GRM8: variants seen among roughly 807,000 people sequenced by gnomAD.
GRM8 encodes the protein glutamate metabotropic receptor 8, also known as metabotropic glutamate receptor 8.
Under a neutral mutation model 87.2 loss-of-function variants are expected in GRM8, and 47 were observed. That is an observed-to-expected ratio of 0.54 (90% CI 0.43 to 0.69). The LOEUF is 0.69. GRM8 is among the 30% of genes least tolerant of loss of function. GRM8 has a pLI of 0.00. For missense variants in GRM8, 1,019 were observed against 1,139.2 expected (o/e 0.89, Z 1.52); for synonymous variants, 396 against 404.5 (o/e 0.98, Z 0.25).
chr7:126,740,316 T>C (rs1814799280), intron 7 of GRM8, among the ~76,000 whole-genome samples: 1 of 152,064 alleles, frequency 6.6e-6, no homozygotes, highest in South Asian at 2.1e-4. Flanking sequence ...CCTCTGATTA[T>C]TAATATGGGG....
chr7:126,724,091 T>C lies in GRM8; in HGVS notation c.1357+45774A>G, dbSNP rs988341972. ...TTTATGTTTTCTCTGCTTGGAGATA[T>C]CGTGATTCACTTGAGTCCTCCTCTC... is the stretch of plus-strand genomic sequence containing the variant. On this transcript the variant is annotated intron_variant, in intron 7 of 10. Coordinates refer to ENST00000339582, the MANE Select transcript of GRM8 (RefSeq NM_000845.3). 3.3e-5 allele frequency among the ~76,000 whole-genome samples: 5 copies of C among 152,142 alleles called. No homozygotes were observed. In the East Asian group the frequency reaches 7.7e-4, roughly 23 times the overall value.
intron 8 of GRM8, among the ~76,000 whole-genome samples, chr7:126,557,908 G>T (rs571788176): frequency 1.1e-4 from 16 of 152,134 alleles, no homozygotes; most frequent in African/African-American, 3.6e-4. Context: ...CTTTAAGTTT[G>T]TTTTAAACTA....
chr7:126,551,191 C>T (rs571416794), intron 8 of GRM8, among the ~76,000 whole-genome samples: 4 of 152,146 alleles, frequency 2.6e-5, no homozygotes, highest in African/African-American at 9.6e-5. Context: ...TTTATGTCCC[C>T]TGTACCATCT....
intron 3 of GRM8, among the ~76,000 whole-genome samples, chr7:127,070,332 A>C (rs1244894078): frequency 6.6e-6 from 1 of 152,108 alleles, no homozygotes; most frequent in East Asian, 1.9e-4. Context: ...TCTAAGAAAA[A>C]TCATGATTTC....
intron 6 of GRM8, among the ~76,000 whole-genome samples, chr7:126,876,205 C>A (rs1371726585): frequency 3.3e-5 from 5 of 152,300 alleles, no homozygotes; most frequent in African/African-American, 1.2e-4. Flanking sequence ...AGAACAATTT[C>A]TTGAGGCTAG....
intron 2 of GRM8, among the ~76,000 whole-genome samples, chr7:127,207,700 G>T (rs938153771): frequency 6.6e-6 from 1 of 152,034 alleles, no homozygotes; most frequent in Non-Finnish European, 1.5e-5. Context: ...TCCTGGCCAC[G>T]GTGCGATGGG....
At chr7:127,135,539 A>G (rs1013629394) in intron 2 of GRM8, among the ~76,000 whole-genome samples, 1 of 149,236 alleles carries the variant, frequency 6.7e-6, no homozygotes, top group Non-Finnish European at 1.5e-5. Context: ...CTAGTTAGAA[A>G]GTCAGAGTTG....
chr7:126,724,682 T>A (rs747998238), intron 7 of GRM8, among the ~76,000 whole-genome samples: 13 of 151,900 alleles, frequency 8.6e-5, no homozygotes, highest in Admixed American at 2.6e-4. Context: ...AGAACACTTT[T>A]ATGTAAAGCA....
Position 126,685,277 on chromosome 7 carries a change from A to C in GRM8, c.1358-75779T>G, listed in dbSNP as rs1808044753. Among the ~76,000 whole-genome samples, 1 of 152,126 alleles carries C rather than the reference A, an allele frequency of 6.6e-6. No homozygotes were observed. Among genetic ancestry groups the C allele is most frequent in the African/African-American group, 2.4e-5 (1 of 41,444 alleles). On this transcript the variant is annotated intron_variant, in intron 7 of 10. Coordinates refer to ENST00000339582, the MANE Select transcript of GRM8 (RefSeq NM_000845.3). This position sits in a 1 kb window ranked among gnomAD's most constrained non-coding sequence, Gnocchi z 4.2. Reference sequence around the variant, plus strand: ...CCAAGTTGCCTACAGGCAGGGGAACAATGTGGTTGGGCACAGAGGGGTGAC... The same window carrying C: ...CCAAGTTGCCTACAGGCAGGGGAACCATGTGGTTGGGCACAGAGGGGTGAC...
chr7:126,616,060 A>T (rs1799455884), intron 7 of GRM8, among the ~76,000 whole-genome samples: 1 of 152,220 alleles, frequency 6.6e-6, no homozygotes, highest in South Asian at 2.1e-4. Flanking sequence ...ACCCCAAATC[A>T]ACAGAATATA....
At chr7:126,894,751 T>G (rs1801383948) in intron 6 of GRM8, among the ~76,000 whole-genome samples, 1 of 152,036 alleles carries the variant, frequency 6.6e-6, no homozygotes, top group African/African-American at 2.4e-5. Flanking sequence ...TCGGTAAAGT[T>G]CTTCAGAGCA....
chr7:126,924,328 A>C (rs1262979664), intron 3 of GRM8, among the ~76,000 whole-genome samples: 1 of 152,252 alleles, frequency 6.6e-6, no homozygotes, highest in African/African-American at 2.4e-5. Context: ...ACGGATTTCA[A>C]ACATCACTTG....
intron 3 of GRM8, among the ~76,000 whole-genome samples, chr7:126,923,868 C>T (rs972815573): frequency 6.6e-6 from 1 of 152,134 alleles, no homozygotes; most frequent in Non-Finnish European, 1.5e-5. Flanking sequence ...GAGAAAGCTT[C>T]TTGGCAAAGT....
intron 6 of GRM8, among the ~76,000 whole-genome samples, chr7:126,791,655 AG>A (rs1361227803): frequency 6.6e-6 from 1 of 152,224 alleles, no homozygotes; most frequent in African/African-American, 2.4e-5. Flanking sequence ...GATCTTTCAA[AG>A]TAATTTGCTC....
intron 8 of GRM8, among the ~76,000 whole-genome samples, chr7:126,602,349 T>C (rs1169084936): frequency 7.1e-6 from 1 of 140,144 alleles, no homozygotes; most frequent in African/African-American, 2.5e-5. Context: ...TGTAGTATAG[T>C]TTGAAGTCAG....
intron 8 of GRM8, among the ~76,000 whole-genome samples, chr7:126,566,431 A>T (rs930417954): frequency 1.3e-5 from 2 of 152,218 alleles, no homozygotes; most frequent in African/African-American, 4.8e-5. Flanking sequence ...AATGCTCAAC[A>T]TTATTTCCTG....
intron 2 of GRM8, among the ~76,000 whole-genome samples, chr7:127,119,267 C>T (rs1006822727): frequency 6.6e-6 from 1 of 152,094 alleles, no homozygotes; most frequent in African/African-American, 2.4e-5. Flanking sequence ...GTTGGGATTG[C>T]TTGAGGTCAG....
chr7:126,531,873 G>A (rs1458097784), intron 9 of GRM8, among the ~76,000 whole-genome samples: 1 of 152,188 alleles, frequency 6.6e-6, no homozygotes, highest in Non-Finnish European at 1.5e-5. Flanking sequence ...TCCTTGGAAT[G>A]TTATAGCCTG....
At chr7:127,148,445 G>A (rs962911124) in intron 2 of GRM8, among the ~76,000 whole-genome samples, 1 of 151,740 alleles carries the variant, frequency 6.6e-6, no homozygotes, top group Non-Finnish European at 1.5e-5. Context: ...GGAAATACTG[G>A]ACTTGAATAG....
Sources: gnomAD v4.1 joint callset for allele counts (sites outside exome capture counted in the v4.1 genomes callset) on GRCh38, gnomAD v4.1.1 for gene constraint, Gnocchi (gnomAD v3.1) non-coding constraint, MANE v1.5 for transcripts, NCBI Gene and HGNC (gene_info 2026-07-23, HGNC 2026-07-21) for gene names.